SDK2: variants seen among roughly 807,000 people sequenced by gnomAD.
SDK2 encodes the protein protein sidekick-2.
SDK2 carries 105 observed loss-of-function variants against 253.9 expected under a neutral mutation model. That is an observed-to-expected ratio of 0.41 (90% confidence interval 0.35 to 0.49). The LOEUF is 0.49. Ranked by LOEUF, SDK2 falls within the 20% of genes least tolerant of loss-of-function variation. The pLI, the probability that SDK2 is intolerant of heterozygous loss-of-function variation, is 0.06. For missense variants in SDK2, 2,608 were observed against 3,003.0 expected, an observed-to-expected ratio of 0.87 and a Z score of 3.07; for synonymous variants, 1,249 against 1,234.9, an observed-to-expected ratio of 1.01 and a Z score of -0.24.
intron 18 of SDK2, among the ~76,000 whole-genome samples, chr17:73,413,254 C>T (rs555484943): frequency 6.6e-6 from 1 of 151,916 alleles, no homozygotes; most frequent in African/African-American, 2.4e-5. Flanking sequence ...TTGCGTACTC[C>T]TTATGAGAAT....
chr17:73,361,852 G>T lies in SDK2; in HGVS notation c.5306-7C>A. ...GTCACGATCTTGCTGACTCCTGGGG[G>T]AGGCACAGCAAGTGGGGACTGGGCA... On this transcript the variant is annotated splice_region_variant and splice_polypyrimidine_tract_variant and intron_variant, in intron 38 of 44. Transcript: ENST00000392650. This position sits in a 1 kb window ranked among gnomAD's most constrained non-coding sequence, Gnocchi z 4.1. The T allele has an allele frequency of 6.4e-7, 1 of 1,574,090 alleles. No individual in the cohort carries two copies. Among genetic ancestry groups the T allele is most frequent in the Middle Eastern group, 1.7e-4 (1 of 5,984 alleles).
intron 2 of SDK2, among the ~76,000 whole-genome samples, chr17:73,505,049 C>T (rs760333906): frequency 4.2e-5 from 6 of 142,578 alleles, no homozygotes; most frequent in Admixed American, 7.1e-5. Context: ...TTCCCAAGTG[C>T]GCGCTCATCT....
intron 1 of SDK2, among the ~76,000 whole-genome samples, chr17:73,588,411 AAG>A (rs1220770809): frequency 6.6e-6 from 1 of 151,186 alleles, no homozygotes; most frequent in African/African-American, 2.4e-5. Flanking sequence ...AAAAAAAAAA[AAG>A]AAAGAAATGC....
chr17:73,577,368 G>C (rs2045471315), intron 1 of SDK2, among the ~76,000 whole-genome samples: 1 of 152,168 alleles, frequency 6.6e-6, no homozygotes, highest in African/African-American at 2.4e-5. Context: ...CATATACTAA[G>C]CATCCACCCC....
rs1016535140 is a variant in SDK2, at chr17:73,398,545, G to A, written c.3094-116C>T. 3.8e-6 allele frequency: 3 copies of A among 784,482 alleles called. No individual in the cohort carries two copies. In the Admixed American group the frequency reaches 7.1e-5, roughly 19 times the overall value. 48.6% of individuals were successfully genotyped at this position (784,482 alleles called of 1,614,324 possible). A position where few individuals can be genotyped will look rare whatever the true frequency, so the allele number is the denominator to read the frequency against. ...TTGGTTCAGAACCCAGGGCTCATCT[G>A]GAGGGCACCATATGGGGCTACCATC... On this transcript the variant is annotated intron_variant, in intron 22 of 44. Coordinates refer to ENST00000392650, the MANE Select transcript of SDK2 (RefSeq NM_001144952.2).
At chr17:73,575,015 G>A (rs1043996311) in intron 1 of SDK2, among the ~76,000 whole-genome samples, 3 of 152,218 alleles carry the variant, frequency 2.0e-5, no homozygotes, top group Non-Finnish European at 4.4e-5. Flanking sequence ...CTAAAGGACT[G>A]CTCGTATAGT....
chr17:73,612,371 A>G lies in SDK2; in HGVS notation c.64+31654T>C, dbSNP rs1235510381. On this transcript the variant is annotated intron_variant, in intron 1 of 44. Coordinates refer to ENST00000392650, the MANE Select transcript of SDK2 (RefSeq NM_001144952.2). The surrounding 1 kb of genome is among the most constrained non-coding windows in gnomAD (Gnocchi z 4.4). ...CCTGGGCTGCAGGCTGGCCCCGCAC[A>G]GTCCCCACCCTCACCGGGTCCCTGT... Among the ~76,000 whole-genome samples, 6 of 143,996 alleles carry G rather than the reference A, an allele frequency of 4.2e-5. No individual in the cohort carries two copies. The highest frequency in any genetic ancestry group is 9.1e-5 in the Non-Finnish European group (6 of 66,122). 94.5% of individuals were successfully genotyped at this position (143,996 alleles called of 152,430 possible). A position where few individuals can be genotyped will look rare whatever the true frequency, so the allele number is the denominator to read the frequency against.
At position 73,431,327 on chromosome 17, in the gene SDK2, G is replaced by A. The variant is rs2063324070; in HGVS notation, c.1480+175C>T. Among the ~76,000 whole-genome samples, 3 of 152,144 alleles carry A rather than the reference G, an allele frequency of 2.0e-5. No individual in the cohort carries two copies. In the South Asian group the frequency reaches 6.2e-4, roughly 32 times the overall value. On this transcript the variant is annotated intron_variant, in intron 11 of 44. Coordinates refer to ENST00000392650, the MANE Select transcript of SDK2 (RefSeq NM_001144952.2). The surrounding 1 kb of genome is among the most constrained non-coding windows in gnomAD (Gnocchi z 5.6). ...AGAATCTTCCTAGTCCCTGGCCTCT[G>A]AACCACTTTGTCACTGTCCCTCTGA...
intron 10 of SDK2, among the ~76,000 whole-genome samples, chr17:73,433,070 G>A (rs527870929): frequency 2.0e-5 from 3 of 152,198 alleles, no homozygotes; most frequent in South Asian, 2.1e-4. Flanking sequence ...AGCACCTATC[G>A]TTTCCTGGGC....
intron 39 of SDK2, among the ~76,000 whole-genome samples, chr17:73,358,884 G>A (rs2062616393): frequency 6.6e-6 from 1 of 152,114 alleles, no homozygotes; most frequent in South Asian, 2.1e-4. Context: ...TGGAATGAAG[G>A]TACGTCAGGA....
intron 40 of SDK2, among the ~76,000 whole-genome samples, chr17:73,354,569 C>T (rs1220849237): frequency 2.0e-5 from 3 of 152,128 alleles, no homozygotes; most frequent in African/African-American, 4.8e-5. Context: ...ACTGAGGTAT[C>T]CAAGCCACCC....
intron 14 of SDK2, among the ~76,000 whole-genome samples, chr17:73,422,684 C>T (rs750457808): frequency 3.9e-5 from 6 of 152,078 alleles, no homozygotes; most frequent in Non-Finnish European, 5.9e-5. Flanking sequence ...TTGTCTCCCC[C>T]ACTACCCCCC....
intron 21 of SDK2, among the ~76,000 whole-genome samples, chr17:73,400,304 C>T (rs898630585): frequency 2.6e-5 from 4 of 152,172 alleles, no homozygotes; most frequent in Non-Finnish European, 2.9e-5. Flanking sequence ...AGGAGTAGCC[C>T]CACCGTGCTC....
intron 1 of SDK2, among the ~76,000 whole-genome samples, chr17:73,578,659 C>T (rs1300341962): frequency 2.0e-5 from 3 of 152,112 alleles, no homozygotes; most frequent in African/African-American, 7.2e-5. Flanking sequence ...TCCCGGAGCC[C>T]TTGGCACAGA....
At position 73,422,328 on chromosome 17, in the gene SDK2, G is replaced by C; in HGVS notation, c.2004C>G (p.Val668=). Residue 668 remains valine (V), a synonymous_variant, in exon 15 of 45, where the codon GTC becomes GTG. Coordinates refer to ENST00000392650, the MANE Select transcript of SDK2 (RefSeq NM_001144952.2). ...ARSYQFRLCA[V]NDVGKGQFSK... ...TGAACTGTCCTTTCCCCACGTCGTTGACGGCACAAAGACGGAACTGGTAGG... is the reference window on the plus strand; with the variant it reads ...TGAACTGTCCTTTCCCCACGTCGTTCACGGCACAAAGACGGAACTGGTAGG... 6.2e-7 allele frequency: 1 copy of C among 1,613,982 alleles called. No homozygotes were observed. Among genetic ancestry groups the C allele is most frequent in the East Asian group, 2.2e-5 (1 of 44,870 alleles).
rs1223522657 is a variant in SDK2 at position 73,638,806 on chromosome 17, CT to C, written c.64+5218del. Among the ~76,000 whole-genome samples the C allele has an allele frequency of 4.0e-3, 553 of 138,906 alleles. 2 individuals are homozygous for C. The highest frequency in any genetic ancestry group is 7.6e-3 in the Middle Eastern group (2 of 262). 91.1% of individuals were successfully genotyped at this position (138,906 alleles called of 152,430 possible). A position where few individuals can be genotyped will look rare whatever the true frequency, so the allele number is the denominator to read the frequency against. On this transcript the variant is annotated intron_variant, in intron 1 of 44. Coordinates refer to ENST00000392650, the MANE Select transcript of SDK2 (RefSeq NM_001144952.2). ...ACAACTCTAAAAGGTAGATAACAGT[CT>C]TTTTTTTTTTTTTTTTTAATGAGAC... is the stretch of plus-strand genomic sequence containing the variant.
At position 73,338,724 on chromosome 17, in the gene SDK2, G is replaced by A. The variant is rs781156628; in HGVS notation, c.6382C>T (p.Arg2128Trp). Reference sequence around the variant, plus strand: ...GTTGGAGTCCGACTGGCCTTGGGCCGAAAGAGGCTGCCCTGCTGGGTGCTG... The same window carrying A: ...GTTGGAGTCCGACTGGCCTTGGGCCAAAAGAGGCTGCCCTGCTGGGTGCTG... The part of the protein sequence containing the change: ...STSTQQGSLF[R>W]PKASRTPTPQ... Residue 2128 changes from arginine to tryptophan, a missense_variant, in exon 45 of 45, where the codon CGG becomes TGG. Physicochemically the swap from Arg to Trp is moderately radical, Grantham distance 101 (BLOSUM62 -3). Around this residue, in one of 2 missense-constraint regions of SDK2, gnomAD observed 1,103 missense variants for 1,143.9 expected, o/e 0.96. Transcript: ENST00000392650. The surrounding 1 kb of genome is among the most constrained non-coding windows in gnomAD (Gnocchi z 5.0). 1.2e-5 allele frequency: 20 copies of A among 1,612,818 alleles called. No homozygotes were observed. Among genetic ancestry groups the A allele is most frequent in the Middle Eastern group, 1.7e-4 (1 of 6,046 alleles).
chr17:73,592,659 G>A (rs975851024), intron 1 of SDK2, among the ~76,000 whole-genome samples: 53 of 152,328 alleles, frequency 3.5e-4, no homozygotes, highest in Admixed American at 2.8e-3. Context: ...AGAGAGGGCC[G>A]GGGAAGCGCG....
At chr17:73,363,495 C>T (rs971114830) in intron 38 of SDK2, among the ~76,000 whole-genome samples, 1 of 152,200 alleles carries the variant, frequency 6.6e-6, no homozygotes, top group Non-Finnish European at 1.5e-5. Context: ...GAACAAAGCC[C>T]TCATCTGCCT....
Sources: gnomAD v4.1 joint callset for allele counts (sites outside exome capture counted in the v4.1 genomes callset) on GRCh38, gnomAD v4.1.1 for gene constraint, gnomAD v4.1.1 regional missense constraint, Gnocchi (gnomAD v3.1) non-coding constraint, MANE v1.5 for transcripts, NCBI Gene and HGNC (gene_info 2026-07-23, HGNC 2026-07-21) for gene names.